Variants in ZNF516 observed in about 807,000 individuals in gnomAD.
The protein encoded by ZNF516 is zinc finger protein 516.
A neutral mutation model predicts 79.7 loss-of-function variants in ZNF516; 19 were observed. The ratio of observed to expected loss-of-function variants is 0.24; its 90% CI spans 0.17 to 0.35. The LOEUF is 0.35. Ranked by LOEUF, ZNF516 falls within the 10% of genes least tolerant of loss-of-function variation. The pLI is 1.00. For synonymous variants in ZNF516, 877 were observed against 739.5 expected, an observed-to-expected ratio of 1.19 and a Z score of -3.02; for missense variants, 1,678 against 1,679.5, an observed-to-expected ratio of 1.00 and a Z score of 0.02.
rs1177573062 is a variant in ZNF516, at chr18:76,467,663, C to T, written c.-271-4522G>A. 6.6e-6 allele frequency among the ~76,000 whole-genome samples: 1 copy of T among 152,206 alleles called. No individual in the cohort carries two copies. The highest frequency in any genetic ancestry group is 1.5e-5 in the Non-Finnish European group (1 of 68,038). On this transcript the variant is annotated intron_variant, in intron 1 of 6. Coordinates refer to ENST00000443185, the MANE Select transcript of ZNF516 (RefSeq NM_014643.4). This position sits in a 1 kb window ranked among gnomAD's most constrained non-coding sequence, Gnocchi z 4.2. Reference sequence around the variant, plus strand: ...ATCTTGAGAAAGACAACAGCCCCAGCCCACTCAAAGGCTACACCTCAAAAA... The same window carrying T: ...ATCTTGAGAAAGACAACAGCCCCAGTCCACTCAAAGGCTACACCTCAAAAA...
intron 3 of ZNF516, among the ~76,000 whole-genome samples, chr18:76,394,954 A>G (rs1475962708): frequency 6.6e-6 from 1 of 152,110 alleles, no homozygotes; most frequent in Non-Finnish European, 1.5e-5. Context: ...ACCACGGTTG[A>G]CTGGAAGAAC....
rs1393083254 is a variant in ZNF516 at position 76,492,221 on chromosome 18, A to G, written c.-272+2923T>C. On this transcript the variant is annotated intron_variant, in intron 1 of 6. Coordinates refer to ENST00000443185, the MANE Select transcript of ZNF516 (RefSeq NM_014643.4). ...GCTCCCGGAAGACACCGCGTCTCCA[A>G]CATTTACACGGAGATGCTGCTCGGC... The G allele has an allele frequency of 2.8e-5, 28 of 985,252 alleles. No homozygotes were observed. In the East Asian group the frequency reaches 3.4e-4, roughly 12 times the overall value. The allele number at this position is 985,252 out of a possible 1,614,324, so 61.0% of individuals were successfully genotyped here.
In ZNF516 at chr18:76,441,303, G is replaced by T; in HGVS notation, c.1752C>A (p.Gly584=). 1 of 1,611,416 alleles carries T rather than the reference G, an allele frequency of 6.2e-7. No homozygotes were observed. The highest frequency in any genetic ancestry group is 8.5e-7 in the Non-Finnish European group (1 of 1,179,490). The part of the protein sequence containing the change: ...ACAAADSPGS[G]LADEAAEDSG... ...TGTCTTCGGCAGCCTCGTCGGCCAG[G>T]CCAGAGCCCGGGGAGTCAGCAGCGG... The change falls in exon 3 of 7, where the codon GGC becomes GGA. Residue 584 remains glycine, a synonymous_variant. Transcript: ENST00000443185.
At chr18:76,454,904 G>A (rs567601484) in intron 2 of ZNF516, among the ~76,000 whole-genome samples, 3 of 152,274 alleles carry the variant, frequency 2.0e-5, no homozygotes, top group Non-Finnish European at 4.4e-5. Flanking sequence ...AAATGAGGGT[G>A]GGCACATTTT....
At chr18:76,400,327 T>G (rs1180781709) in intron 3 of ZNF516, among the ~76,000 whole-genome samples, 1 of 152,208 alleles carries the variant, frequency 6.6e-6, no homozygotes, top group Admixed American at 6.5e-5. Context: ...TTACAATTAT[T>G]GTCATTCTTT....
chr18:76,411,146 C>T (rs144349614), intron 3 of ZNF516, among the ~76,000 whole-genome samples: 5 of 152,324 alleles, frequency 3.3e-5, no homozygotes, highest in African/African-American at 9.6e-5. Context: ...GGGATGGAAA[C>T]GGTCTCTAAA....
intron 3 of ZNF516, among the ~76,000 whole-genome samples, chr18:76,419,369 G>C (rs1238587299): frequency 6.6e-6 from 1 of 152,196 alleles, no homozygotes; most frequent in Non-Finnish European, 1.5e-5. Flanking sequence ...GGAAGGTGCA[G>C]CCAGACCAAA....
intron 3 of ZNF516, among the ~76,000 whole-genome samples, chr18:76,403,205 C>T (rs1002830813): frequency 1.3e-5 from 2 of 152,218 alleles, no homozygotes; most frequent in African/African-American, 4.8e-5. Context: ...CCTGGAAGTC[C>T]ATACAACAGT....
intron 3 of ZNF516, among the ~76,000 whole-genome samples, chr18:76,428,533 A>G (rs1030504751): frequency 2.0e-5 from 3 of 152,226 alleles, no homozygotes; most frequent in African/African-American, 4.8e-5. Context: ...GGCAAATAGA[A>G]CAAGATCACC....
At chr18:76,478,402 G>C (rs1914298383) in intron 1 of ZNF516, among the ~76,000 whole-genome samples, 2 of 152,078 alleles carry the variant, frequency 1.3e-5, no homozygotes, top group African/African-American at 4.8e-5. Flanking sequence ...TTTATATTGA[G>C]AGGTTGGCAA....
chr18:76,444,130 G>A lies in ZNF516; in HGVS notation c.-157-919C>T, dbSNP rs77229213. Reference sequence around the variant, plus strand: ...AAAAGCAACTCTTCAGTAAAAACAGGAATCCCACCTGACACAGGGTAAGTA... The same window carrying A: ...AAAAGCAACTCTTCAGTAAAAACAGAAATCCCACCTGACACAGGGTAAGTA... On this transcript the variant is annotated intron_variant, in intron 2 of 6. Transcript: ENST00000443185. Among the ~76,000 whole-genome samples the A allele has an allele frequency of 5.0e-3, 765 of 152,334 alleles. 4 individuals are homozygous for A. The highest frequency in any genetic ancestry group is 7.9e-3 in the Non-Finnish European group (537 of 68,030).
intron 1 of ZNF516, among the ~76,000 whole-genome samples, chr18:76,484,291 TCAAAAATCACCTC>T (rs1249005409): frequency 6.6e-6 from 1 of 152,194 alleles, no homozygotes; most frequent in Non-Finnish European, 1.5e-5. Flanking sequence ...CAGGATTCAC[TCAAAAATCACCTC>T]CAAGTTTCCT....
intron 1 of ZNF516, chr18:76,491,076 T>C (rs970270327): frequency 1.8e-5 from 18 of 985,212 alleles, no homozygotes; most frequent in African/African-American, 1.2e-4. Flanking sequence ...TGAACACTTA[T>C]GTAATCGTCC....
rs978384366 is a variant in ZNF516 at position 76,467,549 on chromosome 18, G to T, written c.-271-4408C>A. Among the ~76,000 whole-genome samples, 1 of 152,172 alleles carries T rather than the reference G, an allele frequency of 6.6e-6. No homozygotes were observed. Among genetic ancestry groups the T allele is most frequent in the East Asian group, 1.9e-4 (1 of 5,186 alleles). Reference sequence around the variant, plus strand: ...GCTTTCCTGGAGGCTGCAAGTAAGTGCTCAGTCAAGGAGGGGACAAGGCTT... The same window carrying T: ...GCTTTCCTGGAGGCTGCAAGTAAGTTCTCAGTCAAGGAGGGGACAAGGCTT... On this transcript the variant is annotated intron_variant, in intron 1 of 6. Transcript: ENST00000443185. This position sits in a 1 kb window ranked among gnomAD's most constrained non-coding sequence, Gnocchi z 4.2.
chr18:76,456,870 G>A (rs767774074), intron 2 of ZNF516, among the ~76,000 whole-genome samples: 6 of 152,104 alleles, frequency 3.9e-5, no homozygotes, highest in South Asian at 2.1e-4. Context: ...CTTGTTTTAC[G>A]TTTACTCTGA....
At chr18:76,483,750 T>C (rs1173641399) in intron 1 of ZNF516, among the ~76,000 whole-genome samples, 1 of 152,202 alleles carries the variant, frequency 6.6e-6, no homozygotes. Context: ...TATAAAAATA[T>C]GTTACTATTG....
intron 3 of ZNF516, chr18:76,388,341 A>G (rs1257932884): frequency 6.6e-6 from 1 of 152,194 alleles, no homozygotes; most frequent in Non-Finnish European, 1.5e-5. Context: ...AACAGCATTA[A>G]TTGTCTAGAC....
At chr18:76,413,031 G>C (rs1327038949) in intron 3 of ZNF516, among the ~76,000 whole-genome samples, 1 of 152,210 alleles carries the variant, frequency 6.6e-6, no homozygotes, top group African/African-American at 2.4e-5. Context: ...CACTGCACCT[G>C]CCAAGGTAAT....
chr18:76,432,554 C>G (rs1599079508), intron 3 of ZNF516, among the ~76,000 whole-genome samples: 1 of 152,368 alleles, frequency 6.6e-6, no homozygotes, highest in East Asian at 1.9e-4. Flanking sequence ...CACCTGAGCC[C>G]TGTGTGCTGG....
Sources: allele counts gnomAD v4.1 joint callset (sites outside exome capture counted in the v4.1 genomes callset), GRCh38; gene constraint gnomAD v4.1.1; non-coding constraint Gnocchi (gnomAD v3.1); transcripts MANE v1.5; gene names NCBI Gene and HGNC (gene_info 2026-07-23, HGNC 2026-07-21).